PAX7: variants seen among roughly 807,000 people sequenced by gnomAD.
PAX7 encodes the protein paired box 7.
PAX7 carries 18 observed loss-of-function variants against 50.7 expected under a neutral mutation model. The observed-to-expected ratio is 0.36, with a 90% CI of 0.25 to 0.53. PAX7 has a LOEUF of 0.53. PAX7 is among the 20% of genes least tolerant of loss of function. The probability of loss-of-function intolerance (pLI) is 0.93; values close to 1 mark genes in which losing one functional copy is unlikely to be tolerated. For synonymous variants in PAX7, 310 were observed against 290.4 expected (o/e 1.07, Z -0.69); for missense variants, 644 against 702.9 (o/e 0.92, Z 0.95).
intron 4 of PAX7, among the ~76,000 whole-genome samples, chr1:18,642,171 G>A (rs1008637551): frequency 3.3e-5 from 5 of 151,102 alleles, no homozygotes; most frequent in Non-Finnish European, 7.4e-5. Flanking sequence ...TTTTATATAG[G>A]AAAAGAGGGC....
At position 18,634,327 on chromosome 1, in the gene PAX7, G is replaced by A. The variant is rs140779169; in HGVS notation, c.110G>A (p.Arg37Gln). ...GTGTCCACCCCGCTTGGCCAAGGCC[G>A]GGTCAATCAGCTGGGAGGGGTCTTC... ...LEVSTPLGQG[R>Q]VNQLGGVFIN... The change falls in exon 2 of 9, where the codon CGG (arginine) becomes CAG (glutamine). Residue 37 changes from arginine to glutamine, a missense_variant. Arg to Gln is a conservative substitution (Grantham distance 43). Transcript: ENST00000420770. This position sits in a 1 kb window ranked among gnomAD's most constrained non-coding sequence, Gnocchi z 4.0. The A allele has an allele frequency of 3.4e-5, 55 of 1,613,794 alleles. No homozygotes were observed. The highest frequency in any genetic ancestry group is 1.1e-4 in the African/African-American group (8 of 74,944).
At chr1:18,675,456 C>T (rs1376998894) in intron 4 of PAX7, among the ~76,000 whole-genome samples, 2 of 152,206 alleles carry the variant, frequency 1.3e-5, no homozygotes, top group Non-Finnish European at 2.9e-5. Context: ...AGACCACCTA[C>T]CTGGCCAAGG....
At position 18,696,397 on chromosome 1, in the gene PAX7, G is replaced by T. The variant is rs894857201; in HGVS notation, c.787-4256G>T. Among the ~76,000 whole-genome samples, 10 of 152,306 alleles carry T rather than the reference G, an allele frequency of 6.6e-5. No homozygotes were observed. In the East Asian group the frequency reaches 1.9e-3, roughly 29 times the overall value. ...GGTGCATTTTTTATGTGCCAGGCAT[G>T]ATGGCTCACCAGTCTACGTGTGTTA... On this transcript the variant is annotated intron_variant, in intron 5 of 8. Transcript: ENST00000420770.
chr1:18,707,203 G>T (rs1489667802), intron 7 of PAX7, among the ~76,000 whole-genome samples: 1 of 152,130 alleles, frequency 6.6e-6, no homozygotes, highest in Non-Finnish European at 1.5e-5. Flanking sequence ...AACAGGGTCA[G>T]ACAGACAAAA....
At chr1:18,658,051 T>G (rs753564898) in intron 4 of PAX7, among the ~76,000 whole-genome samples, 3 of 152,200 alleles carry the variant, frequency 2.0e-5, no homozygotes, top group African/African-American at 7.2e-5. Flanking sequence ...GACAACAGCT[T>G]GTTAAAAGGA....
chr1:18,710,541 C>T (rs1466371161), intron 7 of PAX7, among the ~76,000 whole-genome samples: 1 of 151,680 alleles, frequency 6.6e-6, no homozygotes, highest in Non-Finnish European at 1.5e-5. Context: ...TGTTAAATAG[C>T]CCAGAATTTA....
chr1:18,730,783 G>A (rs983750538), intron 7 of PAX7, among the ~76,000 whole-genome samples: 8 of 152,022 alleles, frequency 5.3e-5, no homozygotes, highest in Non-Finnish European at 2.9e-5. Flanking sequence ...TGGAAGGGGG[G>A]CCCCCACCCC....
At position 18,641,748 on chromosome 1, in the gene PAX7, A is replaced by AT. The variant is rs1271388276; in HGVS notation, c.586+5377_586+5378insT. On this transcript the variant is annotated intron_variant, in intron 4 of 8. Transcript: ENST00000420770. ...ACGAATTCATCATTTGGAATGGTGG[A>AT]GGGGAGATTTACCAGACAGTATTGG... 1.8e-3 allele frequency among the ~76,000 whole-genome samples: 276 copies of AT among 152,316 alleles called. 3 individuals are homozygous for AT. The highest frequency in any genetic ancestry group is 6.3e-3 in the African/African-American group (262 of 41,560).
At chr1:18,727,160 T>C (rs145562629) in intron 7 of PAX7, among the ~76,000 whole-genome samples, 77 of 152,202 alleles carry the variant, frequency 5.1e-4, no homozygotes, top group African/African-American at 1.6e-3. Flanking sequence ...ATTCTACACA[T>C]GCACATACAA....
intron 4 of PAX7, among the ~76,000 whole-genome samples, chr1:18,655,966 G>C (rs1051072185): frequency 6.6e-6 from 1 of 152,094 alleles, no homozygotes; most frequent in Non-Finnish European, 1.5e-5. Context: ...TGCAGCATCA[G>C]ACTTGAGCTG....
chr1:18,718,205 T>C (rs2089451279), intron 7 of PAX7, among the ~76,000 whole-genome samples: 1 of 152,154 alleles, frequency 6.6e-6, no homozygotes, highest in Non-Finnish European at 1.5e-5. Flanking sequence ...TGAACTGAGT[T>C]CACTCAGAGC....
intron 4 of PAX7, among the ~76,000 whole-genome samples, chr1:18,681,098 C>T (rs534957924): frequency 6.0e-5 from 8 of 132,612 alleles, no homozygotes; most frequent in African/African-American, 8.5e-5. Flanking sequence ...ACCTGGGAGG[C>T]GGAGGTTGCG....
intron 7 of PAX7, among the ~76,000 whole-genome samples, chr1:18,729,538 T>G (rs1046276875): frequency 2.0e-5 from 3 of 152,216 alleles, no homozygotes; most frequent in Non-Finnish European, 2.9e-5. Flanking sequence ...TGGGAAAAAC[T>G]ATCCTGCCCG....
intron 7 of PAX7, among the ~76,000 whole-genome samples, chr1:18,725,307 C>G (rs1291439921): frequency 1.8e-5 from 1 of 54,784 alleles, no homozygotes; most frequent in African/African-American, 1.5e-4. Context: ...GAGACGCCCC[C>G]CCCCCGCCCC....
rs781387929 is a variant in PAX7, at chr1:18,631,565, T to C, written c.-39T>C. Reference sequence around the variant, plus strand: ...GGTGAAGGGAGCGGACGGGAAGCGATTTTTGCCGACTTTGGATTCGTCCCC... The same window carrying C: ...GGTGAAGGGAGCGGACGGGAAGCGACTTTTGCCGACTTTGGATTCGTCCCC... On this transcript the variant is annotated 5_prime_UTR_variant, in exon 1 of 9. Transcript: ENST00000420770. 2.5e-6 allele frequency: 4 copies of C among 1,582,088 alleles called. No homozygotes were observed. The highest frequency in any genetic ancestry group is 1.7e-4 in the Middle Eastern group (1 of 6,048).
At chr1:18,718,706 G>A (rs150928088) in intron 7 of PAX7, among the ~76,000 whole-genome samples, 2 of 151,108 alleles carry the variant, frequency 1.3e-5, no homozygotes, top group Non-Finnish European at 2.9e-5. Flanking sequence ...TCAGTGGCTC[G>A]ATCTCAGCTC....
chr1:18,698,948 C>T (rs1008235904), intron 5 of PAX7, among the ~76,000 whole-genome samples: 5 of 152,210 alleles, frequency 3.3e-5, no homozygotes, highest in East Asian at 1.9e-4. Context: ...TCAGCAGACA[C>T]GGCCCAGAGA....
At chr1:18,719,574 C>T (rs1158913298) in intron 7 of PAX7, among the ~76,000 whole-genome samples, 2 of 152,368 alleles carry the variant, frequency 1.3e-5, no homozygotes, top group Admixed American at 1.3e-4. Context: ...TGGCAAGTGT[C>T]TTATCACAAA....
At chr1:18,697,663 T>G (rs1165405771) in intron 5 of PAX7, among the ~76,000 whole-genome samples, 1 of 151,984 alleles carries the variant, frequency 6.6e-6, no homozygotes, top group African/African-American at 2.4e-5. Context: ...GGGAAGGAGG[T>G]GAACCTAGGG....
Sources: gnomAD v4.1 joint callset for allele counts (sites outside exome capture counted in the v4.1 genomes callset) on GRCh38, gnomAD v4.1.1 for gene constraint, Gnocchi (gnomAD v3.1) non-coding constraint, MANE v1.5 for transcripts, NCBI Gene and HGNC (gene_info 2026-07-23, HGNC 2026-07-21) for gene names.